Variants in TBK1 observed in about 807,000 individuals in gnomAD.
The protein encoded by TBK1 is serine/threonine-protein kinase TBK1.
Under a neutral mutation model 99.9 loss-of-function variants are expected in TBK1, and 37 were observed. The observed-to-expected ratio is 0.37, with a 90% confidence interval of 0.28 to 0.49. The LOEUF is 0.49. Among genes scored for constraint, TBK1 ranks in the 20% least tolerant of loss-of-function variants. TBK1 has a pLI of 0.98. For missense variants in TBK1, 644 were observed against 872.5 expected (o/e 0.74, Z 3.30); for synonymous variants, 258 against 279.8 (o/e 0.92, Z 0.78).
At chr12:64,500,753 CTTTTTTTTTTT>C (rs1009756107) in intron 20 of TBK1, among the ~76,000 whole-genome samples, 3 of 98,966 alleles carry the variant, frequency 3.0e-5, no homozygotes, top group East Asian at 3.0e-4. Context: ...AACTCGGTAT[CTTTTTTTTTTT>C]TTTTTTTTTT....
intron 19 of TBK1, 90 bp from the exon 20 acceptor site, chr12:64,497,878 A>T (rs147065590): frequency 5.0e-6 from 7 of 1,413,776 alleles, no homozygotes; most frequent in African/African-American, 1.4e-5. Context: ...AAGGTTATCT[A>T]TTGACCAGTT....
Position 64,485,938 on chromosome 12 carries a change from G to C in TBK1, c.1261G>C (p.Val421Leu), listed in dbSNP as rs201332131. 3 of 1,582,004 alleles carry C rather than the reference G, an allele frequency of 1.9e-6. No homozygotes were observed. In the East Asian group the frequency reaches 7.1e-5, roughly 38 times the overall value. ...DASMAKAITG[V>L]VCYACRIAST... is the part of the protein sequence containing the mutation. ...ATTTCTTTATTAGGCAATAACAGGG[G>C]TTGTGTGTTATGCCTGCAGAATTGC... Residue 421 changes from valine to leucine, a missense_variant, in exon 11 of 21, where the codon GTT becomes CTT. Val to Leu is a conservative substitution (Grantham distance 32). This residue lies in a region of TBK1 where 465 missense variants were observed against 588.0 expected (regional missense o/e 0.79). Transcript: ENST00000331710.
At chr12:64,485,405 G>A (rs2040809751) in intron 9 of TBK1, 50 bp from the exon 10 acceptor site, 1 of 938,612 alleles carries the variant, frequency 1.1e-6, no homozygotes, top group Non-Finnish European at 1.6e-6. Flanking sequence ...AGGATAAAGT[G>A]ATTTTTTCAA....
intron 2 of TBK1, among the ~76,000 whole-genome samples, chr12:64,459,816 G>A (rs1212534884): frequency 2.6e-5 from 4 of 152,206 alleles, no homozygotes; most frequent in Non-Finnish European, 5.9e-5. Flanking sequence ...AGGCCTTGGA[G>A]AAGCCCTTAT....
At chr12:64,499,831 G>A (rs934973483) in intron 20 of TBK1, among the ~76,000 whole-genome samples, 1 of 150,364 alleles carries the variant, frequency 6.7e-6, no homozygotes, top group African/African-American at 2.4e-5. Flanking sequence ...CCGAGTAACT[G>A]GGACTACAGG....
intron 20 of TBK1, among the ~76,000 whole-genome samples, chr12:64,501,087 C>T (rs1347966773): frequency 1.7e-4 from 26 of 152,010 alleles, no homozygotes; most frequent in Admixed American, 1.7e-3. Flanking sequence ...TAAATCCCAC[C>T]CCACCAGAAA....
At position 64,495,862 on chromosome 12, in the gene TBK1, A is replaced by C. The variant is rs2040920270; in HGVS notation, c.1720+87A>C. The C allele has an allele frequency of 1.6e-5, 17 of 1,070,696 alleles. No individual in the cohort carries two copies. The South Asian group carries it at 3.2e-4, about 20-fold the overall frequency. The allele number at this position is 1,070,696 out of a possible 1,614,324, so 66.3% of individuals were successfully genotyped here. A position where few individuals can be genotyped will look rare whatever the true frequency, so the allele number is the denominator to read the frequency against. On this transcript the variant is annotated intron_variant, in intron 15 of 20. Transcript: ENST00000331710. ...GTTAAATTAATTTGGTATATCTGTA[A>C]GGGTAGCTTCTTAAGCTGTTTTTTT...
chr12:64,453,583 C>G (rs1320766124), intron 1 of TBK1, among the ~76,000 whole-genome samples: 2 of 152,122 alleles, frequency 1.3e-5, no homozygotes, highest in Non-Finnish European at 2.9e-5. Flanking sequence ...GACCCCTGAC[C>G]ATTCTGCATT....
intron 2 of TBK1, 131 bp from the exon 3 acceptor site, chr12:64,460,058 A>G: frequency 1.9e-6 from 1 of 530,900 alleles, no homozygotes; most frequent in East Asian, 3.5e-5. Flanking sequence ...GTCCTCATAC[A>G]GATTCCCTGT....
intron 11 of TBK1, among the ~76,000 whole-genome samples, chr12:64,487,901 A>G (rs1444929168): frequency 1.3e-5 from 2 of 152,232 alleles, no homozygotes; most frequent in Non-Finnish European, 2.9e-5. Context: ...CCTTCTTCAG[A>G]TGACATCACA....
chr12:64,499,748 A>G (rs375489534), intron 20 of TBK1, among the ~76,000 whole-genome samples: 1,305 of 112,642 alleles, frequency 0.012, 16 homozygotes, highest in African/African-American at 0.043. Flanking sequence ...GCCAGGCGGG[A>G]GTGCAGTGGC....
rs1026576307 is a variant in TBK1, at chr12:64,469,928, A to G, written c.540+2846A>G. ...ACAGTAGATGAATGCTCAGGACACT[A>G]CTGTTCCCAGGAGGGCACTGCTTGC... On this transcript the variant is annotated intron_variant, in intron 5 of 20. Transcript: ENST00000331710. 3.9e-5 allele frequency among the ~76,000 whole-genome samples: 6 copies of G among 152,062 alleles called. 1 individual carries two copies. The highest frequency in any genetic ancestry group is 1.4e-4 in the African/African-American group (6 of 41,380).
rs765106259 is a variant in TBK1, at chr12:64,484,463, G to A, written c.1153G>A (p.Glu385Lys). 6.2e-7 allele frequency: 1 copy of A among 1,613,576 alleles called. No homozygotes were observed. Among genetic ancestry groups the A allele is most frequent in the Non-Finnish European group, 8.5e-7 (1 of 1,179,848 alleles). Residue 385 changes from glutamate to lysine, a missense_variant, in exon 9 of 21, where the codon GAA becomes AAA. Around this residue, in one of 3 missense-constraint regions of TBK1, gnomAD observed 465 missense variants for 588.0 expected, o/e 0.79. Coordinates refer to ENST00000331710, the MANE Select transcript of TBK1 (RefSeq NM_013254.4). Reference protein sequence around the residue: ...EENPIFVVSREPLNTIGLIYE... With the variant: ...EENPIFVVSRKPLNTIGLIYE... The stretch of plus-strand genomic sequence containing the variant: ...AAACCCTATATTTGTAGTAAGCCGG[G>A]AACCTCTGAATACCATAGGATTAAT...
intron 9 of TBK1, 116 bp from the exon 10 acceptor site, chr12:64,485,339 C>G (rs2040808551): frequency 2.1e-6 from 1 of 480,626 alleles, no homozygotes; most frequent in Non-Finnish European, 3.7e-6. Context: ...ATCACGAAAA[C>G]TACATTACAG....
At chr12:64,468,915 T>C (rs2040633312) in intron 5 of TBK1, among the ~76,000 whole-genome samples, 1 of 151,994 alleles carries the variant, frequency 6.6e-6, no homozygotes, top group Non-Finnish European at 1.5e-5. Flanking sequence ...CCACCAGTCC[T>C]CATACTCCTC....
chr12:64,490,739 A>C (rs1245444609), intron 13 of TBK1, among the ~76,000 whole-genome samples: 2 of 151,898 alleles, frequency 1.3e-5, no homozygotes, highest in Non-Finnish European at 2.9e-5. Flanking sequence ...GGAGTTTGAG[A>C]CCAGCCTGGC....
At chr12:64,498,557 C>G (rs1379626802) in intron 20 of TBK1, among the ~76,000 whole-genome samples, 1 of 152,214 alleles carries the variant, frequency 6.6e-6, no homozygotes, top group Non-Finnish European at 1.5e-5. Context: ...ATCCTGATTC[C>G]TCAGAGAAAT....
intron 20 of TBK1, among the ~76,000 whole-genome samples, chr12:64,499,003 A>G (rs1478857649): frequency 1.4e-5 from 2 of 141,948 alleles, no homozygotes; most frequent in African/African-American, 5.2e-5. Context: ...GAGTATGTCA[A>G]TTTCAATTTT....
rs2040799034 is a variant in TBK1, at chr12:64,484,479, T to C, written c.1169T>C (p.Ile390Thr). The C allele has an allele frequency of 5.0e-6, 8 of 1,601,470 alleles. No homozygotes were observed. Among genetic ancestry groups the C allele is most frequent in the Non-Finnish European group, 6.8e-6 (8 of 1,176,802 alleles). Residue 390 changes from isoleucine to threonine, a missense_variant, in exon 9 of 21, where the codon ATA becomes ACA. By Grantham distance (89) the Ile-to-Thr change is moderately conservative (BLOSUM62 -1). Around this residue, in one of 3 missense-constraint regions of TBK1, gnomAD observed 465 missense variants for 588.0 expected, o/e 0.79. Transcript: ENST00000331710. ...GTAAGCCGGGAACCTCTGAATACCA[T>C]AGGATTAATATATGAAAAAAGTAAG... is the stretch of plus-strand genomic sequence containing the variant. ...FVVSREPLNT[I>T]GLIYEKISLP...
Sources: gnomAD v4.1 joint callset for allele counts (sites outside exome capture counted in the v4.1 genomes callset) on GRCh38, gnomAD v4.1.1 for gene constraint, gnomAD v4.1.1 regional missense constraint, MANE v1.5 for transcripts, NCBI Gene and HGNC (gene_info 2026-07-23, HGNC 2026-07-21) for gene names.